Variants in CDH18 observed in about 807,000 individuals in gnomAD.
CDH18 encodes the protein cadherin 18, also known as cadherin-18.
CDH18 carries 31 observed loss-of-function variants against 67.9 expected under a neutral mutation model. The observed-to-expected ratio is 0.46, with a 90% confidence interval of 0.34 to 0.62. The LOEUF is 0.62. CDH18 is among the 20% of genes least tolerant of loss of function. The pLI is 0.01. For synonymous variants in CDH18, 362 were observed against 347.2 expected (o/e 1.04, Z -0.48); for missense variants, 890 against 975.5 (o/e 0.91, Z 1.17).
intron 1 of CDH18, among the ~76,000 whole-genome samples, chr5:20,364,621 T>A (rs551565598): frequency 3.3e-5 from 5 of 152,194 alleles, no homozygotes; most frequent in Non-Finnish European, 7.4e-5. Context: ...GTGTATAGAC[T>A]TCCTGTATCT....
At chr5:20,521,278 C>T (rs1755726448) in intron 1 of CDH18, among the ~76,000 whole-genome samples, 1 of 151,926 alleles carries the variant, frequency 6.6e-6, no homozygotes, top group African/African-American at 2.4e-5. Context: ...GGAGGCGAGG[C>T]AAGTCAAGCA....
chr5:20,064,978 T>C (rs1259246555), intron 2 of CDH18, among the ~76,000 whole-genome samples: 2 of 152,076 alleles, frequency 1.3e-5, no homozygotes, highest in Non-Finnish European at 2.9e-5. Context: ...GCACCAGTTC[T>C]GTATTTTTTG....
intron 1 of CDH18, among the ~76,000 whole-genome samples, chr5:20,547,645 C>T (rs945947762): frequency 6.6e-6 from 1 of 151,806 alleles, no homozygotes; most frequent in Non-Finnish European, 1.5e-5. Context: ...CATTCTTAGG[C>T]TAATATTAGG....
chr5:19,541,069 C>G (rs114354374), intron 9 of CDH18, among the ~76,000 whole-genome samples: 5,509 of 152,126 alleles, frequency 0.036, 154 homozygotes, highest in East Asian at 0.06. Flanking sequence ...CCACCAGATA[C>G]CCCAAATCAT....
At chr5:19,763,109 G>A (rs1419495408) in intron 3 of CDH18, among the ~76,000 whole-genome samples, 1 of 152,182 alleles carries the variant, frequency 6.6e-6, no homozygotes, top group African/African-American at 2.4e-5. Flanking sequence ...GGGGTCTGGG[G>A]ATGGGGGAGG....
chr5:20,157,007 C>T (rs909890204), intron 2 of CDH18, among the ~76,000 whole-genome samples: 21 of 152,056 alleles, frequency 1.4e-4, no homozygotes, highest in Non-Finnish European at 2.8e-4. Context: ...TGTATATAAT[C>T]GTTTTTTGAC....
chr5:20,451,434 A>G (rs1750444705), intron 1 of CDH18, among the ~76,000 whole-genome samples: 1 of 152,196 alleles, frequency 6.6e-6, no homozygotes, highest in Admixed American at 6.6e-5. Context: ...TGATGAACAT[A>G]AAATTTAGTG....
chr5:20,234,444 C>A (rs1480109972), intron 2 of CDH18, among the ~76,000 whole-genome samples: 1 of 151,992 alleles, frequency 6.6e-6, no homozygotes, highest in African/African-American at 2.4e-5. Context: ...CATCAGTTCC[C>A]ATGAATGTGA....
rs1305715667 is a variant in CDH18, at chr5:19,844,149, G to A, written c.-256-4907C>T. Among the ~76,000 whole-genome samples, 4 of 152,260 alleles carry A rather than the reference G, an allele frequency of 2.6e-5. No homozygotes were observed. The East Asian group carries it at 7.7e-4, about 29-fold the overall frequency. The stretch of plus-strand genomic sequence containing the variant: ...AGATTTTTCAGGGACTGTAGGGAAG[G>A]TACAATCGTGCTTTGAAATGTGAAA... On this transcript the variant is annotated intron_variant, in intron 2 of 12. Coordinates refer to ENST00000382275, the MANE Select transcript of CDH18 (RefSeq NM_004934.5).
In CDH18 at chr5:20,333,526, T is replaced by TACACACAC. The variant is rs1452450309; in HGVS notation, c.-579-78022_-579-78021insGTGTGTGT. 9.8e-3 allele frequency among the ~76,000 whole-genome samples: 1,099 copies of TACACACAC among 111,718 alleles called. 10 individuals are homozygous for TACACACAC. Among genetic ancestry groups the TACACACAC allele is most frequent in the African/African-American group, 0.027 (989 of 36,378 alleles). 73.3% of individuals were successfully genotyped at this position (111,718 alleles called of 152,430 possible). A position where few individuals can be genotyped will look rare whatever the true frequency, so the allele number is the denominator to read the frequency against. On this transcript the variant is annotated intron_variant, in intron 1 of 14. Transcript: ENST00000507958. Reference sequence around the variant, plus strand: ...ATCTCAAAAAAAAAAAAACAATATATATACACACACACACACACACACACA... The same window carrying TACACACAC: ...ATCTCAAAAAAAAAAAAACAATATATACACACACATACACACACACACACACACACACA...
intron 1 of CDH18, among the ~76,000 whole-genome samples, chr5:20,538,238 A>T (rs1756838397): frequency 6.6e-6 from 1 of 152,158 alleles, no homozygotes; most frequent in Non-Finnish European, 1.5e-5. Flanking sequence ...AGAAAGGGGG[A>T]TGCAGACGTG....
intron 8 of CDH18, among the ~76,000 whole-genome samples, chr5:19,571,105 G>A (rs571281018): frequency 7.2e-5 from 11 of 152,264 alleles, no homozygotes; most frequent in African/African-American, 1.7e-4. Flanking sequence ...GCATCCTCAC[G>A]ATAGCTCTGA....
At chr5:20,385,240 T>C (rs532890267) in intron 1 of CDH18, among the ~76,000 whole-genome samples, 46 of 152,308 alleles carry the variant, frequency 3.0e-4, no homozygotes, top group Admixed American at 5.9e-4. Context: ...TCACCTGTTA[T>C]CAATAAAAAC....
chr5:20,089,570 T>C (rs1339990776), intron 2 of CDH18, among the ~76,000 whole-genome samples: 4 of 152,174 alleles, frequency 2.6e-5, no homozygotes, highest in African/African-American at 9.6e-5. Flanking sequence ...GGATGAATAC[T>C]ATTTACATTA....
intron 1 of CDH18, among the ~76,000 whole-genome samples, chr5:20,520,396 T>C (rs1467537019): frequency 1.3e-5 from 2 of 152,024 alleles, no homozygotes; most frequent in African/African-American, 2.4e-5. Context: ...CAAAAGAGAA[T>C]ATGGAAACGT....
At chr5:20,491,133 G>T (rs1753559209) in intron 1 of CDH18, among the ~76,000 whole-genome samples, 1 of 151,476 alleles carries the variant, frequency 6.6e-6, no homozygotes, top group South Asian at 2.1e-4. Context: ...ATCCTACAAA[G>T]AATTAACATT....
chr5:20,401,969 T>C (rs1414088250), intron 1 of CDH18, among the ~76,000 whole-genome samples: 2 of 152,160 alleles, frequency 1.3e-5, no homozygotes, highest in East Asian at 3.9e-4. Context: ...TTCTAAGCCT[T>C]CTTATCTGGC....
At chr5:20,170,773 G>A (rs1311988529) in intron 2 of CDH18, among the ~76,000 whole-genome samples, 6 of 151,866 alleles carry the variant, frequency 4.0e-5, no homozygotes, top group South Asian at 2.1e-4. Flanking sequence ...CATGTCACAG[G>A]GTTTTTTGTA....
intron 5 of CDH18, among the ~76,000 whole-genome samples, chr5:19,631,448 A>C (rs1752400509): frequency 6.6e-6 from 1 of 152,108 alleles, no homozygotes. Flanking sequence ...CGTTTAAGAA[A>C]TATATTTTTA....
Sources: gnomAD v4.1 joint callset for allele counts (sites outside exome capture counted in the v4.1 genomes callset) on GRCh38, gnomAD v4.1.1 for gene constraint, MANE v1.5 for transcripts, NCBI Gene and HGNC (gene_info 2026-07-23, HGNC 2026-07-21) for gene names.